The following KIF13B variants were observed in gnomAD, a reference collection of about 807,000 sequenced individuals.
KIF13B encodes kinesin family member 13B.
KIF13B carries 127 observed loss-of-function variants against 222.0 expected under a neutral mutation model. The observed-to-expected ratio is 0.57, with a 90% CI of 0.50 to 0.66. The LOEUF is 0.66. Ranked by LOEUF, KIF13B falls within the 30% of genes least tolerant of loss-of-function variation. The pLI, the probability that KIF13B is intolerant of heterozygous loss-of-function variation, is 0.00. For missense variants in KIF13B, 2,173 were observed against 2,379.0 expected (o/e 0.91, Z 1.80); for synonymous variants, 976 against 919.0 (o/e 1.06, Z -1.12).
At chr8:29,254,076 G>C (rs1057482733) in intron 1 of KIF13B, among the ~76,000 whole-genome samples, 1 of 152,186 alleles carries the variant, frequency 6.6e-6, no homozygotes, top group Non-Finnish European at 1.5e-5. Context: ...AGGGTACCAA[G>C]ACAATCTAAT....
intron 14 of KIF13B, 39 bp from the exon 15 acceptor site, chr8:29,150,422 G>A (rs1563742983): frequency 2.1e-6 from 2 of 968,406 alleles, no homozygotes; most frequent in Non-Finnish European, 3.2e-6. Context: ...GATGAGTACA[G>A]TATCATGTCT....
chr8:29,132,060 A>G (rs1810368136), intron 23 of KIF13B, among the ~76,000 whole-genome samples: 1 of 152,202 alleles, frequency 6.6e-6, no homozygotes, highest in Admixed American at 6.5e-5. Flanking sequence ...CAGCCTGGCC[A>G]ATATGGTGAA....
chr8:29,127,454 G>C (rs1810163452), intron 24 of KIF13B, among the ~76,000 whole-genome samples, 186 bp from the exon 25 acceptor site: 1 of 152,078 alleles, frequency 6.6e-6, no homozygotes, highest in African/African-American at 2.4e-5. Context: ...CCTTTTAAGT[G>C]AGCTAAAAAA....
In KIF13B at chr8:29,176,057, A is replaced by G. The variant is rs369178126; in HGVS notation, c.945+11T>C. 5 of 1,572,072 alleles carry G rather than the reference A, an allele frequency of 3.2e-6. No individual in the cohort carries two copies. On this transcript the variant is annotated intron_variant, in intron 10 of 39. Coordinates refer to ENST00000524189, the MANE Select transcript of KIF13B (RefSeq NM_015254.4). ...AAAAGTATGCCAGGAAGGGAAAAAA[A>G]ACAAACTTACTTTGAGCAGCCAAGT...
rs2875055 is a variant in KIF13B at position 29,137,046 on chromosome 8, C to G, written c.2614-2836G>C. Among the ~76,000 whole-genome samples, 4 of 151,890 alleles carry G rather than the reference C, an allele frequency of 2.6e-5. No individual in the cohort carries two copies. The South Asian group carries it at 8.3e-4, about 32-fold the overall frequency. ...CGATCTCCTGACCTTGTGATCCGCC[C>G]GCCTCAGCCTCCCAAAGTGCTGGGA... On this transcript the variant is annotated intron_variant, in intron 21 of 39. Coordinates refer to ENST00000524189, the MANE Select transcript of KIF13B (RefSeq NM_015254.4).
chr8:29,139,939 G>T, intron 21 of KIF13B, 124 bp downstream of exon 21: 2 of 824,196 alleles, frequency 2.4e-6, no homozygotes, highest in Non-Finnish European at 1.9e-6. Context: ...CTAAAGACCT[G>T]CAGTTCTCAA....
chr8:29,093,129 C>T (rs1387090642), intron 36 of KIF13B, among the ~76,000 whole-genome samples: 1 of 151,860 alleles, frequency 6.6e-6, no homozygotes, highest in Admixed American at 6.6e-5. Context: ...TTCCTATCAG[C>T]ATCAGAACAG....
At chr8:29,097,745 A>G (rs1808600280) in intron 36 of KIF13B, among the ~76,000 whole-genome samples, 1 of 152,208 alleles carries the variant, frequency 6.6e-6, no homozygotes, top group Non-Finnish European at 1.5e-5. Flanking sequence ...GCAATAGAAA[A>G]AGCCAAAAAC....
intron 18 of KIF13B, among the ~76,000 whole-genome samples, chr8:29,144,036 T>TCAA (rs1329127445): frequency 7.3e-6 from 1 of 137,626 alleles, no homozygotes. Context: ...ACCACAAAGT[T>TCAA]AAAAAAAAAA....
rs545477407 is a variant in KIF13B, at chr8:29,147,964, G to A, written c.1814-362C>T. On this transcript the variant is annotated intron_variant, in intron 16 of 39. Coordinates refer to ENST00000524189, the MANE Select transcript of KIF13B (RefSeq NM_015254.4). ...TGTAATCCCAGCATTTTGGGAGGCC[G>A]AGGTGGGCGGATCACCTGAGGTCAG... 5.3e-5 allele frequency among the ~76,000 whole-genome samples: 8 copies of A among 152,296 alleles called. No individual in the cohort carries two copies. In the East Asian group the frequency reaches 1.2e-3, roughly 22 times the overall value.
chr8:29,071,744 C>A lies in KIF13B; in HGVS notation c.5094G>T (p.Pro1698=), dbSNP rs1292878914. 1.3e-6 allele frequency: 2 copies of A among 1,549,852 alleles called. No homozygotes were observed. The highest frequency in any genetic ancestry group is 2.0e-5 in the Admixed American group (1 of 51,000). Residue 1698 remains proline, a synonymous_variant, in exon 39 of 40, where the codon CCG becomes CCT. Transcript: ENST00000524189. The surrounding 1 kb of genome is among the most constrained non-coding windows in gnomAD (Gnocchi z 4.9). ...CGAACTCGCCCTCTCGGAGCCACTC[C>A]GGGACCTCGTCAGCTTCCTCGGAAT... ...ASDSEEADEV[P]EWLREGEFVT...
chr8:29,081,005 C>T (rs962230779), intron 37 of KIF13B, among the ~76,000 whole-genome samples: 8 of 152,208 alleles, frequency 5.3e-5, no homozygotes, highest in African/African-American at 9.7e-5. Context: ...TGTCCCATGT[C>T]GCTCGCCACC....
chr8:29,087,914 A>G (rs866680385), intron 37 of KIF13B, among the ~76,000 whole-genome samples: 9 of 147,430 alleles, frequency 6.1e-5, no homozygotes, highest in African/African-American at 2.2e-4. Flanking sequence ...AAAATAAATT[A>G]AAAAAAAAAA....
chr8:29,074,278 G>C (rs1046508501), intron 38 of KIF13B, among the ~76,000 whole-genome samples: 3 of 152,188 alleles, frequency 2.0e-5, no homozygotes, highest in Non-Finnish European at 2.9e-5. Context: ...CCTCCAGAGG[G>C]GAAAGCCCTC....
intron 29 of KIF13B, among the ~76,000 whole-genome samples, chr8:29,120,366 T>TCCCCTTCCTGTGTCCATGTGATCTC (rs1809811031): frequency 1.1e-5 from 1 of 91,902 alleles, no homozygotes; most frequent in African/African-American, 4.3e-5. Flanking sequence ...AGTGTGATAT[T>TCCCCTTCCTGTGTCCATGTGATCTC]CCCCTTCCTG....
intron 37 of KIF13B, among the ~76,000 whole-genome samples, chr8:29,082,028 A>C (rs1252117671): frequency 6.6e-6 from 1 of 152,226 alleles, no homozygotes; most frequent in African/African-American, 2.4e-5. Flanking sequence ...ACTTTCTTTC[A>C]AACAAAGAAC....
intron 23 of KIF13B, 24 bp downstream of exon 23, chr8:29,132,284 A>T (rs1411238915): frequency 7.1e-7 from 1 of 1,406,782 alleles, no homozygotes; most frequent in African/African-American, 1.5e-5. Context: ...TATAAATGGA[A>T]TCAGATGAAC....
chr8:29,177,100 T>C (rs1379359496), intron 9 of KIF13B, among the ~76,000 whole-genome samples: 1 of 152,124 alleles, frequency 6.6e-6, no homozygotes, highest in African/African-American at 2.4e-5. Flanking sequence ...ACAGCCATGG[T>C]TGTTGAAAGT....
chr8:29,079,331 G>A (rs1266574611), intron 37 of KIF13B, among the ~76,000 whole-genome samples: 3 of 152,158 alleles, frequency 2.0e-5, no homozygotes. Context: ...CACCGGCTTC[G>A]CTGTGTCATC....
Sources: gnomAD v4.1 joint callset for allele counts (sites outside exome capture counted in the v4.1 genomes callset) on GRCh38, gnomAD v4.1.1 for gene constraint, Gnocchi (gnomAD v3.1) non-coding constraint, MANE v1.5 for transcripts, NCBI Gene and HGNC (gene_info 2026-07-23, HGNC 2026-07-21) for gene names.